Variants in SEPTIN14 observed in about 807,000 individuals in gnomAD.
The protein encoded by SEPTIN14 is septin 14, also known as septin-14.
Under a neutral mutation model 53.6 loss-of-function variants are expected in SEPTIN14, and 40 were observed. The observed-to-expected ratio is 0.75, with a 90% CI of 0.58 to 0.97. The LOEUF is 0.97. Ranked by LOEUF, SEPTIN14 falls within the 50% of genes least tolerant of loss-of-function variation. The pLI, the probability that SEPTIN14 is intolerant of heterozygous loss-of-function variation, is 0.00. For missense variants in SEPTIN14, 471 were observed against 508.2 expected (o/e 0.93, Z 0.70); for synonymous variants, 138 against 166.8 (o/e 0.83, Z 1.33).
At chr7:55,844,237 G>A (rs917924483) in intron 4 of SEPTIN14, among the ~76,000 whole-genome samples, 9 of 152,210 alleles carry the variant, frequency 5.9e-5, no homozygotes, top group South Asian at 2.1e-4. Flanking sequence ...TTAGTACAAC[G>A]TCTACGGAAA....
chr7:55,834,921 A>G (rs1164833999), intron 5 of SEPTIN14, among the ~76,000 whole-genome samples: 1 of 152,204 alleles, frequency 6.6e-6, no homozygotes. Context: ...CTGGGATTAC[A>G]GGCGTGAGCC....
At position 55,813,290 on chromosome 7, in the gene SEPTIN14, C is replaced by T. The variant is rs115835675; in HGVS notation, c.817+5837G>A. 2.4e-3 allele frequency among the ~76,000 whole-genome samples: 362 copies of T among 152,206 alleles called. 4 individuals carry two copies. Among genetic ancestry groups the T allele is most frequent in the African/African-American group, 8.4e-3 (351 of 41,546 alleles). ...CCTAGCTCCCACTAAAGAGGAATACCCCATGCCAGAGATAGATAGGAACTT... is the reference window on the plus strand; with the variant it reads ...CCTAGCTCCCACTAAAGAGGAATACTCCATGCCAGAGATAGATAGGAACTT... On this transcript the variant is annotated intron_variant, in intron 7 of 9. Transcript: ENST00000388975.
At chr7:55,841,853 CAAAA>C (rs58433679) in intron 5 of SEPTIN14, among the ~76,000 whole-genome samples, 1 of 73,526 alleles carries the variant, frequency 1.4e-5, no homozygotes. Context: ...GAAACTCCGC[CAAAA>C]AAAAAAAAAA....
intron 5 of SEPTIN14, among the ~76,000 whole-genome samples, chr7:55,841,344 G>A (rs990698767): frequency 1.1e-4 from 16 of 152,148 alleles, no homozygotes; most frequent in Non-Finnish European, 1.9e-4. Context: ...GTACCCAATA[G>A]GTAATTTTTC....
At chr7:55,841,442 T>C (rs946089348) in intron 5 of SEPTIN14, among the ~76,000 whole-genome samples, 2 of 152,022 alleles carry the variant, frequency 1.3e-5, no homozygotes, top group Non-Finnish European at 2.9e-5. Flanking sequence ...TATGTTTAGA[T>C]ACACAGACAA....
chr7:55,830,349 A>ATATTTTTTTTTTTTTTTTTTTTTT (rs71015108), intron 6 of SEPTIN14, among the ~76,000 whole-genome samples: 1 of 56,844 alleles, frequency 1.8e-5, no homozygotes, highest in Non-Finnish European at 2.8e-5. Context: ...ATATATATAT[A>ATATTTTTTTTTTTTTTTTTTTTTT]TTTTTTTTTT....
At chr7:55,798,083 G>A (rs1203751869) in intron 9 of SEPTIN14, 4 of 181,170 alleles carry the variant, frequency 2.2e-5, no homozygotes, top group Admixed American at 6.1e-5. Flanking sequence ...AAGGCCTCCC[G>A]TGGCCTCGGC....
intron 7 of SEPTIN14, among the ~76,000 whole-genome samples, chr7:55,818,221 C>A (rs1253480197): frequency 3.3e-5 from 5 of 151,990 alleles, no homozygotes; most frequent in Admixed American, 3.3e-4. Context: ...CCTGTAATCC[C>A]AGCACTTTGG....
At chr7:55,814,958 G>A (rs890505352) in intron 7 of SEPTIN14, among the ~76,000 whole-genome samples, 3 of 152,074 alleles carry the variant, frequency 2.0e-5, no homozygotes. Flanking sequence ...AAGACCAATG[G>A]AACAGAATAG....
rs1281308261 is a variant in SEPTIN14 at position 55,819,165 on chromosome 7, A to G, written c.779T>C (p.Met260Thr). 1.9e-6 allele frequency: 3 copies of G among 1,587,086 alleles called. No individual in the cohort carries two copies. In the East Asian group the frequency reaches 6.8e-5, roughly 36 times the overall value. The change falls in exon 7 of 10, where the codon ATG becomes ACG. Residue 260 changes from methionine to threonine, a missense_variant. Met to Thr is a moderately conservative substitution (Grantham distance 81). Coordinates refer to ENST00000388975, the MANE Select transcript of SEPTIN14 (RefSeq NM_207366.3). ...CCAAGGGTAGTGACGGCCTCTGACC[A>G]TCCTTTTTCCAACTTTCACTTCATC... ...STDEVKVGKR[M>T]VRGRHYPWGV...
At chr7:55,830,559 A>G (rs530501924) in intron 6 of SEPTIN14, among the ~76,000 whole-genome samples, 7 of 150,408 alleles carry the variant, frequency 4.7e-5, no homozygotes, top group East Asian at 3.9e-4. Context: ...TGGCCAGGAT[A>G]GTCTCGATTT....
intron 2 of SEPTIN14, among the ~76,000 whole-genome samples, chr7:55,848,904 G>T (rs1789472951): frequency 6.6e-6 from 1 of 152,062 alleles, no homozygotes; most frequent in Non-Finnish European, 1.5e-5. Flanking sequence ...ACCGCGCCTG[G>T]CCTACTAATA....
chr7:55,853,816 A>C (rs1401647271), intron 2 of SEPTIN14, among the ~76,000 whole-genome samples: 1 of 152,130 alleles, frequency 6.6e-6, no homozygotes, highest in East Asian at 1.9e-4. Flanking sequence ...ATGTACCCAT[A>C]AAAATTAAAA....
intron 7 of SEPTIN14, 47 bp from the exon 8 acceptor site, chr7:55,807,305 T>G (rs772996656): frequency 8.9e-6 from 11 of 1,239,036 alleles, no homozygotes; most frequent in Non-Finnish European, 1.2e-5. Context: ...TATCAATCCC[T>G]GACAATCAGT....
intron 8 of SEPTIN14, 115 bp downstream of exon 8, chr7:55,806,975 A>T (rs1355647990): frequency 1.3e-6 from 1 of 752,296 alleles, no homozygotes; most frequent in African/African-American, 1.8e-5. Flanking sequence ...TGTTTTCTTT[A>T]TGATGGCTCA....
intron 2 of SEPTIN14, among the ~76,000 whole-genome samples, chr7:55,850,526 T>A (rs969416182): frequency 2.0e-5 from 3 of 151,944 alleles, no homozygotes; most frequent in Non-Finnish European, 4.4e-5. Flanking sequence ...AAAGAGAAAA[T>A]TATACATTAA....
chr7:55,832,539 T>C (rs1485894141), intron 6 of SEPTIN14, among the ~76,000 whole-genome samples: 1 of 150,760 alleles, frequency 6.6e-6, no homozygotes, highest in East Asian at 2.1e-4. Flanking sequence ...TATTTTAATA[T>C]GGTATATATA....
chr7:55,819,303 A>C, intron 6 of SEPTIN14, 80 bp from the exon 7 acceptor site: 1 of 1,083,280 alleles, frequency 9.2e-7, no homozygotes, highest in Non-Finnish European at 1.4e-6. Flanking sequence ...TGTTATAAAA[A>C]TGACAGGCCA....
intron 9 of SEPTIN14, among the ~76,000 whole-genome samples, chr7:55,803,581 A>C (rs1315643518): frequency 6.6e-6 from 1 of 151,200 alleles, no homozygotes; most frequent in Non-Finnish European, 1.5e-5. Flanking sequence ...CAAAGGAAAT[A>C]AAATCAGTAT....
Sources: gnomAD v4.1 joint callset for allele counts (sites outside exome capture counted in the v4.1 genomes callset) on GRCh38, gnomAD v4.1.1 for gene constraint, MANE v1.5 for transcripts, NCBI Gene and HGNC (gene_info 2026-07-23, HGNC 2026-07-21) for gene names.